MTDH: variants seen among roughly 807,000 people sequenced by gnomAD.
MTDH encodes protein LYRIC.
A neutral mutation model predicts 72.7 loss-of-function variants in MTDH; 34 were observed. The ratio of observed to expected loss-of-function variants is 0.47; its 90% CI spans 0.36 to 0.62. The LOEUF is 0.62. Ranked by LOEUF, MTDH falls within the 20% of genes least tolerant of loss-of-function variation. The pLI is 0.00. For synonymous variants in MTDH, 266 were observed against 268.9 expected (o/e 0.99, Z 0.10); for missense variants, 677 against 699.4 (o/e 0.97, Z 0.36).
In MTDH at chr8:97,653,854, G is replaced by A. The variant is rs141974100; in HGVS notation, c.382-7218G>A. On this transcript the variant is annotated intron_variant, in intron 1 of 11. Transcript: ENST00000336273. Reference sequence around the variant, plus strand: ...ATGCCAGGCTTCCCAGAAGGCATCCGTCAGAATGTCTTAGACATTTTTCTT... The same window carrying A: ...ATGCCAGGCTTCCCAGAAGGCATCCATCAGAATGTCTTAGACATTTTTCTT... Among the ~76,000 whole-genome samples the A allele has an allele frequency of 1.7e-3, 264 of 152,304 alleles. 1 individual carries two copies. The highest frequency in any genetic ancestry group is 6.2e-3 in the African/African-American group (258 of 41,560).
At chr8:97,689,502 C>G (rs1813497682) in intron 5 of MTDH, among the ~76,000 whole-genome samples, 1 of 150,686 alleles carries the variant, frequency 6.6e-6, no homozygotes. Flanking sequence ...AATGTTTTAA[C>G]TGCTTCCTTG....
intron 2 of MTDH, among the ~76,000 whole-genome samples, chr8:97,670,698 A>G (rs1021577312): frequency 5.3e-5 from 8 of 152,236 alleles, no homozygotes; most frequent in Admixed American, 1.3e-4. Context: ...GTTGGCTCAC[A>G]GTACCACAGG....
At chr8:97,646,992 C>T (rs1190712002) in intron 1 of MTDH, among the ~76,000 whole-genome samples, 7 of 152,112 alleles carry the variant, frequency 4.6e-5, no homozygotes, top group Non-Finnish European at 1.0e-4. Context: ...GTTCATGACC[C>T]ACTAAATTCA....
chr8:97,665,014 G>A (rs537250976), intron 2 of MTDH, among the ~76,000 whole-genome samples: 6 of 152,220 alleles, frequency 3.9e-5, no homozygotes, highest in South Asian at 2.1e-4. Context: ...TGCCTGCCTC[G>A]GCCTCCTAAA....
chr8:97,644,421 C>G lies in MTDH; in HGVS notation c.-86C>G. On this transcript the variant is annotated 5_prime_UTR_variant, in exon 1 of 12. Transcript: ENST00000336273. ...ATGCGCTCGGCCTGAGGTTACCCGG[C>G]CCGGCCCTTCCTCGCTTCCCTCGAC... 1 of 1,480,866 alleles carries G rather than the reference C, an allele frequency of 6.8e-7. No homozygotes were observed. The highest frequency in any genetic ancestry group is 1.3e-5 in the South Asian group (1 of 79,548). 91.7% of individuals were successfully genotyped at this position (1,480,866 alleles called of 1,614,324 possible).
In MTDH at chr8:97,726,978, C is replaced by G. The variant is rs1169251171; in HGVS notation, c.*2308C>G. On this transcript the variant is annotated 3_prime_UTR_variant, in exon 12 of 12. Coordinates refer to ENST00000336273, the MANE Select transcript of MTDH (RefSeq NM_178812.4). Reference sequence around the variant, plus strand: ...CCTGTAATCCCAGCTACTCAGGAGGCTAAGGCAGAGAATCATTTGAACCCA... The same window carrying G: ...CCTGTAATCCCAGCTACTCAGGAGGGTAAGGCAGAGAATCATTTGAACCCA... 2 of 150,202 alleles carry G rather than the reference C, an allele frequency of 1.3e-5. No individual in the cohort carries two copies. The highest frequency in any genetic ancestry group is 4.9e-5 in the African/African-American group (2 of 40,712). The allele number at this position is 150,202 out of a possible 1,614,324, so 9.3% of individuals were successfully genotyped here. A position where few individuals can be genotyped will look rare whatever the true frequency, so the allele number is the denominator to read the frequency against.
chr8:97,709,578 A>G (rs1460968011), intron 8 of MTDH, among the ~76,000 whole-genome samples: 2 of 152,230 alleles, frequency 1.3e-5, no homozygotes, highest in African/African-American at 2.4e-5. Flanking sequence ...GCATATTAGA[A>G]GTTAAAAATG....
intron 2 of MTDH, among the ~76,000 whole-genome samples, chr8:97,685,317 T>C (rs945609001): frequency 2.0e-5 from 3 of 152,110 alleles, no homozygotes; most frequent in African/African-American, 7.2e-5. Context: ...AAATGAACAA[T>C]GCAAATCAAT....
intron 2 of MTDH, among the ~76,000 whole-genome samples, chr8:97,666,440 A>G (rs1586217776): frequency 6.6e-6 from 1 of 152,190 alleles, no homozygotes; most frequent in Non-Finnish European, 1.5e-5. Flanking sequence ...CCAGGAACAC[A>G]TAGCTGATAA....
In MTDH at chr8:97,644,795, G is replaced by C; in HGVS notation, c.289G>C (p.Ala97Pro). The C allele has an allele frequency of 6.4e-7, 1 of 1,552,618 alleles. No individual in the cohort carries two copies. Among genetic ancestry groups the C allele is most frequent in the Middle Eastern group, 1.8e-4 (1 of 5,488 alleles). ...GCGGGAGGAGGCGGCGGCCGTGCCG[G>C]CCGCGGCCCCCGACGACCTGGCCTT... ...RKREEAAAVP[A>P]AAPDDLALLK... is the part of the protein sequence containing the mutation. Residue 97 changes from alanine (A) to proline (P), a missense_variant, in exon 1 of 12, where the codon GCC becomes CCC. Ala to Pro is a conservative substitution (Grantham distance 27, BLOSUM62 -1). This residue lies in a region of MTDH where 467 missense variants were observed against 469.1 expected (regional missense o/e 1.00). Coordinates refer to ENST00000336273, the MANE Select transcript of MTDH (RefSeq NM_178812.4).
In MTDH at chr8:97,692,947, G is replaced by C. The variant is rs574588794; in HGVS notation, c.1048+1759G>C. Among the ~76,000 whole-genome samples the C allele has an allele frequency of 3.3e-5, 5 of 152,176 alleles. No homozygotes were observed. The South Asian group carries it at 8.3e-4, about 25-fold the overall frequency. ...GGGTTTCACCATGTTGGCCACACTG[G>C]TCTAGAACTCTTGACCTCAAGTTGT... On this transcript the variant is annotated intron_variant, in intron 6 of 11. Coordinates refer to ENST00000336273, the MANE Select transcript of MTDH (RefSeq NM_178812.4).
At chr8:97,709,219 A>G (rs1489464139) in intron 8 of MTDH, among the ~76,000 whole-genome samples, 1 of 151,968 alleles carries the variant, frequency 6.6e-6, no homozygotes, top group Admixed American at 6.6e-5. Flanking sequence ...ACCACCAGAT[A>G]TAATACTAAT....
chr8:97,719,527 T>A (rs979651243), intron 10 of MTDH, among the ~76,000 whole-genome samples: 4 of 151,744 alleles, frequency 2.6e-5, no homozygotes, highest in Non-Finnish European at 5.9e-5. Flanking sequence ...AATAAAGTTT[T>A]GTTGACTCAA....
chr8:97,689,290 C>A (rs564524546), intron 5 of MTDH, among the ~76,000 whole-genome samples, 187 bp downstream of exon 5: 11 of 152,274 alleles, frequency 7.2e-5, no homozygotes, highest in African/African-American at 2.6e-4. Flanking sequence ...ATCACACCCA[C>A]TTCTAACGAT....
intron 7 of MTDH, among the ~76,000 whole-genome samples, chr8:97,701,129 G>A (rs1381706479): frequency 6.6e-6 from 1 of 152,142 alleles, no homozygotes; most frequent in Non-Finnish European, 1.5e-5. Context: ...AGCAAATAAT[G>A]TGTCATATCT....
chr8:97,694,958 ACT>A (rs1813770916), intron 6 of MTDH, among the ~76,000 whole-genome samples: 1 of 151,368 alleles, frequency 6.6e-6, no homozygotes, highest in African/African-American at 2.4e-5. Flanking sequence ...CTAAATTCCC[ACT>A]CTCATTTTTA....
chr8:97,679,833 A>C (rs966473786), intron 2 of MTDH, among the ~76,000 whole-genome samples: 2 of 152,148 alleles, frequency 1.3e-5, no homozygotes, highest in Admixed American at 1.3e-4. Flanking sequence ...TGGCATATTT[A>C]CTCAGGTATT....
intron 8 of MTDH, among the ~76,000 whole-genome samples, chr8:97,708,962 G>A (rs1425593857): frequency 6.6e-6 from 1 of 151,958 alleles, no homozygotes; most frequent in Non-Finnish European, 1.5e-5. Context: ...CGAGGCCAAG[G>A]TGGGTAGATC....
At chr8:97,673,457 A>C in intron 2 of MTDH, among the ~76,000 whole-genome samples, 1 of 152,140 alleles carries the variant, frequency 6.6e-6, no homozygotes, top group African/African-American at 2.4e-5. Flanking sequence ...TCAGGAGTTC[A>C]AGACCAGCCT....
Sources: allele counts gnomAD v4.1 joint callset (sites outside exome capture counted in the v4.1 genomes callset), GRCh38; gene constraint gnomAD v4.1.1; regional missense constraint gnomAD v4.1.1; transcripts MANE v1.5; gene names NCBI Gene and HGNC (gene_info 2026-07-23, HGNC 2026-07-21).